The following ANKRD52 variants were observed in gnomAD, a reference collection of about 807,000 sequenced individuals.
ANKRD52 encodes the protein serine/threonine-protein phosphatase 6 regulatory ankyrin repeat subunit C.
A neutral mutation model predicts 116.0 loss-of-function variants in ANKRD52; 7 were observed. The ratio of observed to expected loss-of-function variants is 0.06; its 90% CI spans 0.03 to 0.11. The LOEUF is 0.11. Among genes scored for constraint, ANKRD52 ranks in the 10% least tolerant of loss-of-function variants. The probability of loss-of-function intolerance (pLI) is 1.00; values close to 1 mark genes in which losing one functional copy is unlikely to be tolerated. For missense variants in ANKRD52, 839 were observed against 1,408.6 expected (o/e 0.60, Z 6.47); for synonymous variants, 528 against 578.1 (o/e 0.91, Z 1.24).
intron 3 of ANKRD52, 94 bp from the exon 4 acceptor site, chr12:56,257,179 C>T: frequency 2.6e-6 from 4 of 1,552,344 alleles, no homozygotes; most frequent in Non-Finnish European, 3.5e-6. Context: ...GGAGCTGGAG[C>T]CTCGCCTGGA....
rs557012497 is a variant in ANKRD52, at chr12:56,257,247, C to T, written c.190+36G>A. 3 of 1,568,616 alleles carry T rather than the reference C, an allele frequency of 1.9e-6. No homozygotes were observed. The East Asian group carries it at 7.0e-5, about 37-fold the overall frequency. On this transcript the variant is annotated intron_variant, in intron 3 of 27. Coordinates refer to ENST00000267116, the MANE Select transcript of ANKRD52 (RefSeq NM_173595.4). ...AAAAGACTCCTCCCCTCCCTTCGCTCCCTATGTGCCACACCTTCCAGCTCC... is the reference window on the plus strand; with the variant it reads ...AAAAGACTCCTCCCCTCCCTTCGCTTCCTATGTGCCACACCTTCCAGCTCC...
Position 56,245,594 on chromosome 12 carries a change from T to C in ANKRD52, c.2187A>G (p.Ala729=), listed in dbSNP as rs967041550. The C allele has an allele frequency of 6.2e-7, 1 of 1,604,224 alleles. No individual in the cohort carries two copies. The highest frequency in any genetic ancestry group is 8.5e-7 in the Non-Finnish European group (1 of 1,177,716). Residue 729 remains alanine, a splice_region_variant and synonymous_variant, in exon 21 of 28, where the codon GCA becomes GCG. Transcript: ENST00000267116. ...CCAGGCAGTCCTCACAGCCAGTCAC[T>C]GCCTGTGAGTAACATGGGGGTGTGA... ...LRGRTALHRG[A]VTGCEDCLAA...
chr12:56,257,751 C>G, intron 2 of ANKRD52, 77 bp downstream of exon 2: 1 of 1,413,652 alleles, frequency 7.1e-7, no homozygotes, highest in Non-Finnish European at 9.8e-7. Flanking sequence ...GACACGGAGC[C>G]GCCCCACCGG....
In ANKRD52 at chr12:56,243,650, C is replaced by T. The variant is rs567083855; in HGVS notation, c.2980+135G>A. On this transcript the variant is annotated intron_variant, in intron 27 of 27. Transcript: ENST00000267116. This position sits in a 1 kb window ranked among gnomAD's most constrained non-coding sequence, Gnocchi z 4.6. ...GGCTCCCCTCTGAGACTCCAGAGTA[C>T]TGGTGTGGGCTCCCTGCTCTGAAGA... is the stretch of plus-strand genomic sequence containing the variant. 2 of 1,037,386 alleles carry T rather than the reference C, an allele frequency of 1.9e-6. No homozygotes were observed. The highest frequency in any genetic ancestry group is 3.2e-5 in the African/African-American group (2 of 62,198). 64.3% of individuals were successfully genotyped at this position (1,037,386 alleles called of 1,614,324 possible).
chr12:56,245,246 G>C, intron 21 of ANKRD52, 56 bp from the exon 22 acceptor site: 1 of 1,606,152 alleles, frequency 6.2e-7, no homozygotes, highest in Non-Finnish European at 8.5e-7. Context: ...TTCCCTGTCT[G>C]TCCTGTGTCT....
rs1464677127 is a variant in ANKRD52 at position 56,248,116 on chromosome 12, C to T, written c.1885G>A (p.Gly629Ser). Reference sequence around the variant, plus strand: ...AGCACCTCCACACACTCAGTAGAGCCGCGCTCCGTGGCCAGGAAGAGTGCG... The same window carrying T: ...AGCACCTCCACACACTCAGTAGAGCTGCGCTCCGTGGCCAGGAAGAGTGCG... ...RTALFLATER[G>S]STECVEVLTA... The change falls in exon 18 of 28, where the codon GGC (glycine) becomes AGC (serine). Residue 629 changes from glycine (G) to serine (S), a missense_variant. This residue lies in a region of ANKRD52 where 552 missense variants were observed against 810.6 expected (regional missense o/e 0.68). Transcript: ENST00000267116. This position sits in a 1 kb window ranked among gnomAD's most constrained non-coding sequence, Gnocchi z 5.1. 2.5e-6 allele frequency: 4 copies of T among 1,613,704 alleles called. No individual in the cohort carries two copies. The highest frequency in any genetic ancestry group is 2.5e-6 in the Non-Finnish European group (3 of 1,179,902).
chr12:56,253,008 G>C lies in ANKRD52; in HGVS notation c.1179C>G (p.Ser393=). 6.3e-7 allele frequency: 1 copy of C among 1,586,302 alleles called. No individual in the cohort carries two copies. Among genetic ancestry groups the C allele is most frequent in the Non-Finnish European group, 8.6e-7 (1 of 1,166,356 alleles). The part of the protein sequence containing the change: ...GFSDCCRKLL[S]SGQLYSIVSS... ...CCCCAGCCCATCAGCACATACCTGA[G>C]GAAAGAAGCTTACGACAACAGTCAG... is the stretch of plus-strand genomic sequence containing the variant. The change falls in exon 11 of 28, where the codon TCC becomes TCG. Residue 393 remains serine, a synonymous_variant. Coordinates refer to ENST00000267116, the MANE Select transcript of ANKRD52 (RefSeq NM_173595.4). The surrounding 1 kb of genome is among the most constrained non-coding windows in gnomAD (Gnocchi z 5.5).
At chr12:56,246,862 G>A (rs977275056) in intron 20 of ANKRD52, among the ~76,000 whole-genome samples, 26 of 151,056 alleles carry the variant, frequency 1.7e-4, no homozygotes, top group African/African-American at 6.3e-4. Context: ...GGAGGTTGCA[G>A]TGAGCCGAGA....
intron 1 of ANKRD52, 135 bp downstream of exon 1, chr12:56,258,108 G>A (rs1872052822): frequency 2.0e-5 from 30 of 1,464,148 alleles, no homozygotes; most frequent in South Asian, 8.7e-5. Context: ...CGGTTGAGGG[G>A]AGCGCGGCAT....
chr12:56,256,915 A>G, intron 4 of ANKRD52, 100 bp downstream of exon 4: 1 of 1,316,334 alleles, frequency 7.6e-7, no homozygotes, highest in African/African-American at 1.5e-5. Flanking sequence ...CTGGGGTAGA[A>G]CAGCTTGTAG....
rs1315150398 is a variant in ANKRD52, at chr12:56,252,253, G to A, written c.1433C>T (p.Ala478Val). The A allele has an allele frequency of 6.2e-7, 1 of 1,613,998 alleles. No individual in the cohort carries two copies. The highest frequency in any genetic ancestry group is 1.7e-5 in the Admixed American group (1 of 60,018). The change falls in exon 14 of 28, where the codon GCT becomes GTT. Residue 478 changes from alanine to valine, a missense_variant. Physicochemically the swap from Ala to Val is moderately conservative, Grantham distance 64 (BLOSUM62 0). Transcript: ENST00000267116. The surrounding 1 kb of genome is among the most constrained non-coding windows in gnomAD (Gnocchi z 4.7). Reference protein sequence around the residue: ...SYQCAVTLVTAGAGVNEADCK... With the variant: ...SYQCAVTLVTVGAGVNEADCK... ...GTCGGCCTCGTTGACACCTGCCCCAGCAGTCACCAATGTTACTGCACACTG... is the reference window on the plus strand; with the variant it reads ...GTCGGCCTCGTTGACACCTGCCCCAACAGTCACCAATGTTACTGCACACTG...
Position 56,252,993 on chromosome 12 carries a change from T to TCAGCACATACCTGAGGAAAGAAGCTTAC in ANKRD52, c.1166_1183+10dup, listed in dbSNP as rs1465503662. On this transcript the variant is annotated intron_variant, in intron 11 of 27. Transcript: ENST00000267116. The surrounding 1 kb of genome is among the most constrained non-coding windows in gnomAD (Gnocchi z 4.7). ...TATACACCTGCCAATCCCCAGCCCATCAGCACATACCTGAGGAAAGAAGCT... is the reference window on the plus strand; with the variant it reads ...TATACACCTGCCAATCCCCAGCCCATCAGCACATACCTGAGGAAAGAAGCTTACCAGCACATACCTGAGGAAAGAAGCT... The TCAGCACATACCTGAGGAAAGAAGCTTAC allele has an allele frequency of 2.5e-6, 4 of 1,585,246 alleles. 1 individual carries two copies. In the South Asian group the frequency reaches 4.6e-5, roughly 18 times the overall value.
At position 56,257,902 on chromosome 12, in the gene ANKRD52, C is replaced by G. The variant is rs1236953001; in HGVS notation, c.37G>C (p.Val13Leu). ...ILSITDQPPLVQAIFSRDVEE... is the reference protein window; with the variant it reads ...ILSITDQPPLLQAIFSRDVEE... ...ACATCTCGGCTAAAGATGGCCTGGA[C>G]CAGGGGCGGCTGCAGAGAGAACCGG... Residue 13 changes from valine (V) to leucine (L), a missense_variant, in exon 2 of 28, where the codon GTC (valine) becomes CTC (leucine). Physicochemically the swap from Val to Leu is conservative, Grantham distance 32. Transcript: ENST00000267116. 1.2e-6 allele frequency: 2 copies of G among 1,613,202 alleles called. No homozygotes were observed. Among genetic ancestry groups the G allele is most frequent in the Non-Finnish European group, 1.7e-6 (2 of 1,179,682 alleles).
Position 56,252,249 on chromosome 12 carries a change from C to G in ANKRD52, c.1437G>C (p.Gly479=), listed in dbSNP as rs548618049. ...YQCAVTLVTA[G]AGVNEADCKG... ...TACAGTCGGCCTCGTTGACACCTGC[C>G]CCAGCAGTCACCAATGTTACTGCAC... Residue 479 remains glycine, a synonymous_variant, in exon 14 of 28, where the codon GGG becomes GGC. Coordinates refer to ENST00000267116, the MANE Select transcript of ANKRD52 (RefSeq NM_173595.4). The surrounding 1 kb of genome is among the most constrained non-coding windows in gnomAD (Gnocchi z 4.7). 1.9e-6 allele frequency: 3 copies of G among 1,613,832 alleles called. No individual in the cohort carries two copies. The highest frequency in any genetic ancestry group is 2.5e-6 in the Non-Finnish European group (3 of 1,179,896).
chr12:56,252,113 A>G lies in ANKRD52; in HGVS notation c.1512-18T>C, dbSNP rs139717503. ...GTTCCGCTCTGGGGAAGAGAGAGAG[A>G]AAGTTAGGGCCAGGCTCAGGGAGGT... On this transcript the variant is annotated intron_variant, in intron 14 of 27. Transcript: ENST00000267116. This position sits in a 1 kb window ranked among gnomAD's most constrained non-coding sequence, Gnocchi z 4.7. 972 of 1,613,854 alleles carry G rather than the reference A, an allele frequency of 6.0e-4. 1 individual carries two copies. The highest frequency in any genetic ancestry group is 7.8e-4 in the Non-Finnish European group (915 of 1,179,838).
At chr12:56,249,195 C>A (rs1342793290) in intron 15 of ANKRD52, among the ~76,000 whole-genome samples, 1 of 152,196 alleles carries the variant, frequency 6.6e-6, no homozygotes, top group African/African-American at 2.4e-5. Context: ...GGCACGCCAA[C>A]CCCTGCCCTA....
chr12:56,248,978 G>A lies in ANKRD52; in HGVS notation c.1593-108C>T, dbSNP rs185894481. 156 of 712,640 alleles carry A rather than the reference G, an allele frequency of 2.2e-4. 1 individual carries two copies. Among genetic ancestry groups the A allele is most frequent in the Non-Finnish European group, 1.8e-4 (80 of 435,850 alleles). The allele number at this position is 712,640 out of a possible 1,614,324, so 44.1% of individuals were successfully genotyped here. ...CAAGGCCCTCCAGGCCTACCTGGCCGCCACCCGTCCTCAGCTCTAGGTAGG... is the reference window on the plus strand; with the variant it reads ...CAAGGCCCTCCAGGCCTACCTGGCCACCACCCGTCCTCAGCTCTAGGTAGG... On this transcript the variant is annotated intron_variant, in intron 15 of 27. Coordinates refer to ENST00000267116, the MANE Select transcript of ANKRD52 (RefSeq NM_173595.4). The surrounding 1 kb of genome is among the most constrained non-coding windows in gnomAD (Gnocchi z 5.1).
In ANKRD52 at chr12:56,257,854, A is replaced by G. The variant is rs1208393118; in HGVS notation, c.85T>C (p.Ser29Pro). 6.2e-7 allele frequency: 1 copy of G among 1,613,210 alleles called. No homozygotes were observed. Among genetic ancestry groups the G allele is most frequent in the South Asian group, 1.1e-5 (1 of 91,046 alleles). The stretch of plus-strand genomic sequence containing the variant: ...AGCACATTGATGTTCTCCTTCTGCG[A>G]GAGTAGGGAACGCACTTCCTCCACA... ...RDVEEVRSLL[S>P]QKENINVLDQ... The change falls in exon 2 of 28, where the codon TCG becomes CCG. Residue 29 changes from serine (S) to proline (P), a missense_variant. This residue lies in a region of ANKRD52 where 287 missense variants were observed against 598.1 expected (regional missense o/e 0.48). Transcript: ENST00000267116.
chr12:56,249,103 C>A (rs979748281), intron 15 of ANKRD52, among the ~76,000 whole-genome samples: 2 of 152,336 alleles, frequency 1.3e-5, no homozygotes, highest in African/African-American at 4.8e-5. Flanking sequence ...CTCCTTTATC[C>A]TCTGAATGCT....
Sources: allele counts gnomAD v4.1 joint callset (sites outside exome capture counted in the v4.1 genomes callset), GRCh38; gene constraint gnomAD v4.1.1; regional missense constraint gnomAD v4.1.1; non-coding constraint Gnocchi (gnomAD v3.1); transcripts MANE v1.5; gene names NCBI Gene and HGNC (gene_info 2026-07-23, HGNC 2026-07-21).